BABAM2: variants seen among roughly 807,000 people sequenced by gnomAD.
BABAM2 encodes the protein BRISC and BRCA1-A complex member 2.
Under a neutral mutation model 54.7 loss-of-function variants are expected in BABAM2, and 31 were observed. The ratio of observed to expected loss-of-function variants is 0.57; its 90% CI spans 0.43 to 0.77. The LOEUF (loss-of-function observed/expected upper bound fraction) is 0.77. Among genes scored for constraint, BABAM2 ranks in the 30% least tolerant of loss-of-function variants. The pLI, the probability that BABAM2 is intolerant of heterozygous loss-of-function variation, is 0.00. For missense variants in BABAM2, 364 were observed against 455.8 expected (o/e 0.80, Z 1.83); for synonymous variants, 167 against 162.9 (o/e 1.03, Z -0.19).
At chr2:28,224,200 G>A (rs182270958) in intron 7 of BABAM2, among the ~76,000 whole-genome samples, 1 of 152,326 alleles carries the variant, frequency 6.6e-6, no homozygotes, top group Admixed American at 6.5e-5. Context: ...TGTAACTGAT[G>A]TTTTCATTGA....
chr2:28,265,340 T>C (rs1684888938), intron 10 of BABAM2, among the ~76,000 whole-genome samples: 1 of 152,096 alleles, frequency 6.6e-6, no homozygotes, highest in Non-Finnish European at 1.5e-5. Flanking sequence ...GGCAGGAGAA[T>C]CACTTGAACA....
chr2:28,013,844 T>G (rs1261645125), intron 4 of BABAM2, among the ~76,000 whole-genome samples: 3 of 151,830 alleles, frequency 2.0e-5, no homozygotes, highest in Non-Finnish European at 2.9e-5. Flanking sequence ...GAAGCTTCCA[T>G]GGCTTCCATG....
chr2:27,924,842 C>T (rs1444616412), intron 2 of BABAM2, among the ~76,000 whole-genome samples: 1 of 152,180 alleles, frequency 6.6e-6, no homozygotes, highest in East Asian at 1.9e-4. Context: ...AGGTACATGG[C>T]ACTGGCTTGT....
chr2:28,061,888 A>G (rs1030735389), intron 6 of BABAM2, among the ~76,000 whole-genome samples: 11 of 152,168 alleles, frequency 7.2e-5, no homozygotes, highest in African/African-American at 1.4e-4. Context: ...GGGAGTCCCA[A>G]ACACTTTGAG....
chr2:27,967,034 A>G (rs1441080617), intron 3 of BABAM2, among the ~76,000 whole-genome samples: 1 of 152,202 alleles, frequency 6.6e-6, no homozygotes, highest in Admixed American at 6.5e-5. Flanking sequence ...AGGGTCATGA[A>G]TAGATATCAA....
At chr2:27,990,222 T>G (rs543877157) in intron 4 of BABAM2, among the ~76,000 whole-genome samples, 1 of 152,286 alleles carries the variant, frequency 6.6e-6, no homozygotes, top group African/African-American at 2.4e-5. Flanking sequence ...CCTCCACTAG[T>G]TGGGCGATGT....
At chr2:28,235,792 C>T (rs2148054053) in intron 7 of BABAM2, among the ~76,000 whole-genome samples, 1 of 152,110 alleles carries the variant, frequency 6.6e-6, no homozygotes, top group Middle Eastern at 3.4e-3. Flanking sequence ...GTAGCTAAGG[C>T]TACAGGTGTG....
At chr2:28,193,653 ATCTTT>A (rs1677187641) in intron 7 of BABAM2, among the ~76,000 whole-genome samples, 1 of 152,148 alleles carries the variant, frequency 6.6e-6, no homozygotes, top group Non-Finnish European at 1.5e-5. Flanking sequence ...AAGGTATATA[ATCTTT>A]TCAATTTATA....
chr2:27,952,692 T>C (rs1231101758), intron 3 of BABAM2, among the ~76,000 whole-genome samples: 1 of 152,206 alleles, frequency 6.6e-6, no homozygotes, highest in Non-Finnish European at 1.5e-5. Flanking sequence ...CTCCAAATGT[T>C]ACAGGCACTC....
intron 2 of BABAM2, among the ~76,000 whole-genome samples, chr2:27,901,636 A>T (rs781707865): frequency 6.6e-6 from 1 of 152,198 alleles, no homozygotes; most frequent in Non-Finnish European, 1.5e-5. Flanking sequence ...CTAACTGGCA[A>T]TCTGAATCTT....
intron 4 of BABAM2, among the ~76,000 whole-genome samples, chr2:27,991,196 G>A (rs1037601144): frequency 2.6e-5 from 4 of 152,146 alleles, no homozygotes; most frequent in African/African-American, 7.2e-5. Flanking sequence ...CCTTTGGGGA[G>A]CCCAAGAACT....
At chr2:28,263,100 A>G (rs1324931321) in intron 10 of BABAM2, among the ~76,000 whole-genome samples, 5 of 146,712 alleles carry the variant, frequency 3.4e-5, no homozygotes, top group Non-Finnish European at 7.5e-5. Context: ...GTATGATTCC[A>G]CTTATTTGAG....
chr2:28,098,506 G>A (rs77714372), intron 6 of BABAM2, among the ~76,000 whole-genome samples: 4,474 of 152,228 alleles, frequency 0.029, 214 homozygotes, highest in African/African-American at 0.1. Context: ...TATATCAAAT[G>A]TATTTTTTCC....
chr2:28,274,949 T>C (rs1320382715), intron 10 of BABAM2, among the ~76,000 whole-genome samples: 1 of 152,188 alleles, frequency 6.6e-6, no homozygotes, highest in Non-Finnish European at 1.5e-5. Flanking sequence ...CATGCTCCAG[T>C]AGCTCCACTG....
chr2:28,139,299 C>T (rs1339580204), intron 7 of BABAM2, among the ~76,000 whole-genome samples: 28 of 106,590 alleles, frequency 2.6e-4, no homozygotes, highest in Middle Eastern at 9.8e-3. Flanking sequence ...CCAGCCTGGG[C>T]GACAAGAGTG....
chr2:28,240,051 A>T (rs568299868), intron 8 of BABAM2, among the ~76,000 whole-genome samples: 2 of 152,252 alleles, frequency 1.3e-5, no homozygotes, highest in Non-Finnish European at 1.5e-5. Context: ...AAGGAAAAAG[A>T]AAGAAAACAG....
chr2:28,234,605 G>A (rs1681731043), intron 7 of BABAM2, among the ~76,000 whole-genome samples: 1 of 152,136 alleles, frequency 6.6e-6, no homozygotes, highest in South Asian at 2.1e-4. Context: ...TTCTTTTTCA[G>A]AATTTTATTA....
intron 6 of BABAM2, among the ~76,000 whole-genome samples, chr2:28,067,503 G>A (rs1663715802): frequency 6.6e-6 from 1 of 152,156 alleles, no homozygotes; most frequent in African/African-American, 2.4e-5. Flanking sequence ...ATCAGATATG[G>A]CATTATACAA....
chr2:28,026,969 T>TAA (rs1374433406), intron 5 of BABAM2, among the ~76,000 whole-genome samples: 7 of 82,454 alleles, frequency 8.5e-5, no homozygotes, highest in South Asian at 3.4e-4. Flanking sequence ...AATATATATA[T>TAA]AAATATATAA....
Sources: allele counts gnomAD v4.1 joint callset (sites outside exome capture counted in the v4.1 genomes callset), GRCh38; gene constraint gnomAD v4.1.1; transcripts MANE v1.5; gene names NCBI Gene and HGNC (gene_info 2026-07-23, HGNC 2026-07-21).